The following RTL10 variants were observed in gnomAD, a reference collection of about 807,000 sequenced individuals.
The protein encoded by RTL10 is retrotransposon Gag like 10, also known as protein Bop.
For synonymous variants in RTL10, 199 were observed against 188.4 expected (o/e 1.06, Z -0.46); for missense variants, 477 against 470.7 (o/e 1.01, Z -0.12).
chr22:19,846,472 G>C lies in RTL10; in HGVS notation c.*4695C>G. On this transcript the variant is annotated 3_prime_UTR_variant, in exon 3 of 3. Coordinates refer to ENST00000328554, the MANE Select transcript of RTL10 (RefSeq NM_024627.6). ...ATGGGCCCCAGAACCCAGGGCCTGG[G>C]GGACTCTGCACACAGGCATGTGGAG... 1 of 985,408 alleles carries C rather than the reference G, an allele frequency of 1.0e-6. No homozygotes were observed. Among genetic ancestry groups the C allele is most frequent in the Non-Finnish European group, 1.2e-6 (1 of 829,896 alleles). The allele number at this position is 985,408 out of a possible 1,614,324, so 61.0% of individuals were successfully genotyped here.
In RTL10 at chr22:19,851,598, C is replaced by T. The variant is rs1441465426; in HGVS notation, c.664G>A (p.Gly222Ser). 11 of 1,596,698 alleles carry T rather than the reference C, an allele frequency of 6.9e-6. No individual in the cohort carries two copies. Among genetic ancestry groups the T allele is most frequent in the Non-Finnish European group, 9.4e-6 (11 of 1,169,296 alleles). Reference sequence around the variant, plus strand: ...GCAGTACCCATGTCGAGTGCCAGGCCCTCTAAGAACCTAGCTAAGTATTGC... The same window carrying T: ...GCAGTACCCATGTCGAGTGCCAGGCTCTCTAAGAACCTAGCTAAGTATTGC... ...VRQYLARFLE[G>S]LALDMGTAPR... Residue 222 changes from glycine (G) to serine (S), a missense_variant, in exon 3 of 3, where the codon GGC (glycine) becomes AGC (serine). Gly to Ser is a moderately conservative substitution (Grantham distance 56, BLOSUM62 0). Transcript: ENST00000328554.
chr22:19,852,226 G>A lies in RTL10; in HGVS notation c.36C>T (p.Arg12=), dbSNP rs757389399. ...PRGRCRQQGP[R]IPIWAAANYA... ...AATTGGCGGCTGCCCAGATGGGAATGCGAGGGCCCTGCTGACGGCACCGGC... is the reference window on the plus strand; with the variant it reads ...AATTGGCGGCTGCCCAGATGGGAATACGAGGGCCCTGCTGACGGCACCGGC... The change falls in exon 3 of 3, where the codon CGC becomes CGT. Residue 12 remains arginine (R), a synonymous_variant. Coordinates refer to ENST00000328554, the MANE Select transcript of RTL10 (RefSeq NM_024627.6). The A allele has an allele frequency of 9.9e-6, 16 of 1,612,274 alleles. No individual in the cohort carries two copies. Among genetic ancestry groups the A allele is most frequent in the Admixed American group, 1.7e-5 (1 of 59,946 alleles).
rs1305015502 is a variant in RTL10, at chr22:19,854,653, C to G, written c.-323+7G>C. On this transcript the variant is annotated splice_region_variant and intron_variant, in intron 1 of 2. Coordinates refer to ENST00000328554, the MANE Select transcript of RTL10 (RefSeq NM_024627.6). ...TCCAGGTGCCCCCACAAACCCCCGG[C>G]GCGGACCGAGAAACTGAGGCCCGCA... 3 of 152,880 alleles carry G rather than the reference C, an allele frequency of 2.0e-5. No individual in the cohort carries two copies. The Admixed American group carries it at 2.0e-4, about 10-fold the overall frequency. 9.5% of individuals were successfully genotyped at this position (152,880 alleles called of 1,614,324 possible).
chr22:19,847,253 C>T lies in RTL10; in HGVS notation c.*3914G>A, dbSNP rs901708965. On this transcript the variant is annotated 3_prime_UTR_variant, in exon 3 of 3. Transcript: ENST00000328554. ...CCCACAGGTGCAAGCAAGAAATAAGCAGTGCCAACTGTAGCCGCTGCGCTG... is the reference window on the plus strand; with the variant it reads ...CCCACAGGTGCAAGCAAGAAATAAGTAGTGCCAACTGTAGCCGCTGCGCTG... The T allele has an allele frequency of 1.1e-5, 11 of 985,430 alleles. No individual in the cohort carries two copies. Among genetic ancestry groups the T allele is most frequent in the Non-Finnish European group, 1.3e-5 (11 of 829,884 alleles). 61.0% of individuals were successfully genotyped at this position (985,430 alleles called of 1,614,324 possible). A position where few individuals can be genotyped will look rare whatever the true frequency, so the allele number is the denominator to read the frequency against.
rs1055067826 is a variant in RTL10, at chr22:19,848,432, ATC to A, written c.*2733_*2734del. The A allele has an allele frequency of 3.0e-6, 3 of 985,384 alleles. No homozygotes were observed. The highest frequency in any genetic ancestry group is 3.5e-5 in the African/African-American group (2 of 57,242). The allele number at this position is 985,384 out of a possible 1,614,324, so 61.0% of individuals were successfully genotyped here. Reference sequence around the variant, plus strand: ...CCAGCAGGAAAGCAGCTTGGTCATCATCTGTCTGAAAGCAGGTGCTGCAGCAG... The same window carrying A: ...CCAGCAGGAAAGCAGCTTGGTCATCATGTCTGAAAGCAGGTGCTGCAGCAG... On this transcript the variant is annotated 3_prime_UTR_variant, in exon 3 of 3. Coordinates refer to ENST00000328554, the MANE Select transcript of RTL10 (RefSeq NM_024627.6).
intron 2 of RTL10, among the ~76,000 whole-genome samples, chr22:19,853,721 G>C (rs540879680): frequency 3.3e-5 from 5 of 151,956 alleles, no homozygotes; most frequent in Non-Finnish European, 7.4e-5. Flanking sequence ...CCCCCTCTGG[G>C]GGGGGGGTCT....
chr22:19,854,567 C>G (rs548346911), intron 1 of RTL10, 28 bp from the exon 2 acceptor site: 2 of 152,908 alleles, frequency 1.3e-5, no homozygotes, highest in African/African-American at 4.8e-5. Flanking sequence ...AGATCGGCCG[C>G]CGTGAGGCCA....
At position 19,848,184 on chromosome 22, in the gene RTL10, C is replaced by G. The variant is rs1032066784; in HGVS notation, c.*2983G>C. ...AGGTACTTTAAATACCATCTCACAG[C>G]ACCCATCATGTCCTATCTTCAGGAA... On this transcript the variant is annotated 3_prime_UTR_variant, in exon 3 of 3. Coordinates refer to ENST00000328554, the MANE Select transcript of RTL10 (RefSeq NM_024627.6). 13 of 985,372 alleles carry G rather than the reference C, an allele frequency of 1.3e-5. No homozygotes were observed. In the African/African-American group the frequency reaches 1.9e-4, roughly 15 times the overall value. The allele number at this position is 985,372 out of a possible 1,614,324, so 61.0% of individuals were successfully genotyped here.
In RTL10 at chr22:19,851,469, G is replaced by C; in HGVS notation, c.793C>G (p.Pro265Ala). 6.2e-7 allele frequency: 1 copy of C among 1,614,098 alleles called. No homozygotes were observed. The highest frequency in any genetic ancestry group is 1.1e-5 in the South Asian group (1 of 91,082). The part of the protein sequence containing the change: ...FEQQLTKEST[P>A]GPKEPPVLPS... ...AGGACTGGGGGCTCCTTGGGCCCAG[G>C]GGTGCTCTCCTTGGTCAGCTGCTGC... Residue 265 changes from proline (P) to alanine (A), a missense_variant, in exon 3 of 3, where the codon CCT becomes GCT. Coordinates refer to ENST00000328554, the MANE Select transcript of RTL10 (RefSeq NM_024627.6).
chr22:19,848,789 A>T lies in RTL10; in HGVS notation c.*2378T>A. The T allele has an allele frequency of 1.0e-6, 1 of 985,522 alleles. No homozygotes were observed. Among genetic ancestry groups the T allele is most frequent in the Non-Finnish European group, 1.2e-6 (1 of 830,004 alleles). The allele number at this position is 985,522 out of a possible 1,614,324, so 61.0% of individuals were successfully genotyped here. On this transcript the variant is annotated 3_prime_UTR_variant, in exon 3 of 3. Transcript: ENST00000328554. ...ACAAAAGCCCCAAAGCCCCAATAGG[A>T]CAGGGTTCAAAAGAGAAGGCAGCAA...
At chr22:19,852,526 T>C (rs1938133130) in intron 2 of RTL10, 40 bp from the exon 3 acceptor site, 3 of 479,328 alleles carry the variant, frequency 6.3e-6, no homozygotes, top group Middle Eastern at 5.5e-4. Flanking sequence ...GAACTAGGCC[T>C]AACCATCACC....
rs1938043266 is a variant in RTL10 at position 19,849,418 on chromosome 22, G to A, written c.*1749C>T. On this transcript the variant is annotated 3_prime_UTR_variant, in exon 3 of 3. Coordinates refer to ENST00000328554, the MANE Select transcript of RTL10 (RefSeq NM_024627.6). The stretch of plus-strand genomic sequence containing the variant: ...AGTTTCACTCTTGTTGTCCAGGCTG[G>A]AGTGCAATGGCGTGATCTCGGCTCA... 2 of 533,542 alleles carry A rather than the reference G, an allele frequency of 3.7e-6. No individual in the cohort carries two copies. Among genetic ancestry groups the A allele is most frequent in the East Asian group, 1.5e-4 (1 of 6,850 alleles). 33.1% of individuals were successfully genotyped at this position (533,542 alleles called of 1,614,324 possible). A position where few individuals can be genotyped will look rare whatever the true frequency, so the allele number is the denominator to read the frequency against.
At position 19,846,863 on chromosome 22, in the gene RTL10, GTTGTTT is replaced by G; in HGVS notation, c.*4298_*4303del. ...GCTCCAGAATCATGAGGAAATGTCT[GTTGTTT>G]AAGTCCCCTAGCCTGCGGTCCTTTG... On this transcript the variant is annotated 3_prime_UTR_variant, in exon 3 of 3. Coordinates refer to ENST00000328554, the MANE Select transcript of RTL10 (RefSeq NM_024627.6). The G allele has an allele frequency of 1.3e-5, 12 of 918,880 alleles. No individual in the cohort carries two copies. The highest frequency in any genetic ancestry group is 1.4e-5 in the Non-Finnish European group (11 of 769,132). 56.9% of individuals were successfully genotyped at this position (918,880 alleles called of 1,614,324 possible).
At position 19,846,663 on chromosome 22, in the gene RTL10, A is replaced by G; in HGVS notation, c.*4504T>C. 1 of 686,414 alleles carries G rather than the reference A, an allele frequency of 1.5e-6. No homozygotes were observed. The highest frequency in any genetic ancestry group is 1.8e-6 in the Non-Finnish European group (1 of 556,702). The allele number at this position is 686,414 out of a possible 1,614,324, so 42.5% of individuals were successfully genotyped here. The stretch of plus-strand genomic sequence containing the variant: ...TGAAGACAGGGTCTTTAAAGAGGTA[A>G]TTCAGGGTTAAATGAGGTCATGAGG... On this transcript the variant is annotated 3_prime_UTR_variant, in exon 3 of 3. Coordinates refer to ENST00000328554, the MANE Select transcript of RTL10 (RefSeq NM_024627.6).
chr22:19,849,196 T>G lies in RTL10; in HGVS notation c.*1971A>C. 1.0e-6 allele frequency: 1 copy of G among 985,426 alleles called. No homozygotes were observed. The highest frequency in any genetic ancestry group is 1.2e-6 in the Non-Finnish European group (1 of 829,904). 61.0% of individuals were successfully genotyped at this position (985,426 alleles called of 1,614,324 possible). A position where few individuals can be genotyped will look rare whatever the true frequency, so the allele number is the denominator to read the frequency against. ...TGCTACCAGGGCTATACCTGCTTTC[T>G]AAAAATAGCTTCCCACCTATTTCCA... On this transcript the variant is annotated 3_prime_UTR_variant, in exon 3 of 3. Transcript: ENST00000328554.
At position 19,847,549 on chromosome 22, in the gene RTL10, T is replaced by A. The variant is rs370389687; in HGVS notation, c.*3618A>T. ...AAAAGGTCAGGTAAGGACCCTCAGC[T>A]CATGCGGGGAGGGGAGGAGGCAAGG... On this transcript the variant is annotated 3_prime_UTR_variant, in exon 3 of 3. Transcript: ENST00000328554. 6.1e-6 allele frequency: 6 copies of A among 985,172 alleles called. No homozygotes were observed. Among genetic ancestry groups the A allele is most frequent in the East Asian group, 2.3e-4 (2 of 8,818 alleles). 61.0% of individuals were successfully genotyped at this position (985,172 alleles called of 1,614,324 possible).
At position 19,851,243 on chromosome 22, in the gene RTL10, ACCT is replaced by A. The variant is rs891426086; in HGVS notation, c.1016_1018del (p.Glu339del). Reference sequence around the variant, plus strand: ...CACCTCCTGTGGGGTACCTAAGGACACCTCCTGGTCTCCCTCTGTCTCCAAAAC... The same window carrying A: ...CACCTCCTGTGGGGTACCTAAGGACACCTGGTCTCCCTCTGTCTCCAAAAC... On this transcript the variant is annotated inframe_deletion, in exon 3 of 3. Transcript: ENST00000328554. 2.5e-6 allele frequency: 4 copies of A among 1,604,340 alleles called. No individual in the cohort carries two copies. The highest frequency in any genetic ancestry group is 8.5e-7 in the Non-Finnish European group (1 of 1,175,098).
Position 19,850,253 on chromosome 22 carries a change from G to C in RTL10, c.*914C>G. 1.0e-6 allele frequency: 1 copy of C among 985,276 alleles called. No homozygotes were observed. 61.0% of individuals were successfully genotyped at this position (985,276 alleles called of 1,614,324 possible). A position where few individuals can be genotyped will look rare whatever the true frequency, so the allele number is the denominator to read the frequency against. The stretch of plus-strand genomic sequence containing the variant: ...CACCTCAGCCAGTAATCCAACACGT[G>C]TTTAATGAGCACCAATTGTGTACCA... On this transcript the variant is annotated 3_prime_UTR_variant, in exon 3 of 3. Coordinates refer to ENST00000328554, the MANE Select transcript of RTL10 (RefSeq NM_024627.6).
Position 19,851,696 on chromosome 22 carries a change from T to C in RTL10, c.566A>G (p.His189Arg). 1 of 1,601,146 alleles carries C rather than the reference T, an allele frequency of 6.2e-7. No homozygotes were observed. Among genetic ancestry groups the C allele is most frequent in the Non-Finnish European group, 8.5e-7 (1 of 1,171,644 alleles). Residue 189 changes from histidine to arginine, a missense_variant, in exon 3 of 3, where the codon CAT (histidine) becomes CGT (arginine). Coordinates refer to ENST00000328554, the MANE Select transcript of RTL10 (RefSeq NM_024627.6). ...GGGCAGGGGACAGGTAACCACAGCA[T>C]GGTACTCAGCAAAACTGTTCGGGTC... ...VQDPNSFAEYHAVVTCPLPLA... is the reference protein window; with the variant it reads ...VQDPNSFAEYRAVVTCPLPLA...
Sources: allele counts gnomAD v4.1 joint callset (sites outside exome capture counted in the v4.1 genomes callset), GRCh38; gene constraint gnomAD v4.1.1; transcripts MANE v1.5; gene names NCBI Gene and HGNC (gene_info 2026-07-23, HGNC 2026-07-21).